The following STAG1 variants were observed in gnomAD, a reference collection of about 807,000 sequenced individuals.
The protein encoded by STAG1 is cohesin subunit SA-1.
Under a neutral mutation model 170.9 loss-of-function variants are expected in STAG1, and 26 were observed. The observed-to-expected ratio is 0.15, with a 90% CI of 0.11 to 0.21. The LOEUF is 0.21. STAG1 is among the 10% of genes least tolerant of loss of function. The pLI, the probability that STAG1 is intolerant of heterozygous loss-of-function variation, is 1.00. For synonymous variants in STAG1, 514 were observed against 497.7 expected (o/e 1.03, Z -0.44); for missense variants, 964 against 1,509.5 (o/e 0.64, Z 5.99).
chr3:136,426,079 T>A (rs1391736701), intron 16 of STAG1, among the ~76,000 whole-genome samples: 4 of 151,492 alleles, frequency 2.6e-5, no homozygotes, highest in Non-Finnish European at 5.9e-5. Flanking sequence ...ATAAACATAT[T>A]GGAAAATTTT....
chr3:136,668,290 T>TATATAATATATATTATACATGAC (rs1941863437), intron 1 of STAG1, among the ~76,000 whole-genome samples: 1 of 146,682 alleles, frequency 6.8e-6, no homozygotes, highest in South Asian at 2.1e-4. Context: ...TTATACATGA[T>TATATAATATATATTATACATGAC]ATATAATATA....
intron 5 of STAG1, among the ~76,000 whole-genome samples, chr3:136,544,789 C>G (rs1431051308): frequency 1.3e-5 from 2 of 151,786 alleles, no homozygotes; most frequent in East Asian, 3.9e-4. Context: ...GCTTTTATGA[C>G]ACACCATTCT....
At chr3:136,390,840 AAAAG>A (rs1157319415) in intron 22 of STAG1, among the ~76,000 whole-genome samples, 4 of 152,188 alleles carry the variant, frequency 2.6e-5, no homozygotes, top group African/African-American at 4.8e-5. Context: ...TAGGGAAGAG[AAAAG>A]AAAGAGCTAC....
At chr3:136,605,019 C>A (rs1938866986) in intron 3 of STAG1, among the ~76,000 whole-genome samples, 1 of 152,160 alleles carries the variant, frequency 6.6e-6, no homozygotes, top group Admixed American at 6.6e-5. Context: ...AACCTTGCCC[C>A]TTCTTGACAT....
chr3:136,600,515 G>A (rs186827195), intron 4 of STAG1, among the ~76,000 whole-genome samples: 44 of 152,178 alleles, frequency 2.9e-4, no homozygotes, highest in Admixed American at 2.1e-3. Context: ...CACTGATGTC[G>A]GCTTGTATTA....
intron 22 of STAG1, among the ~76,000 whole-genome samples, chr3:136,393,013 T>C (rs1174531075): frequency 1.3e-5 from 2 of 152,140 alleles, no homozygotes; most frequent in Non-Finnish European, 2.9e-5. Flanking sequence ...AATGTTTCTA[T>C]AACTGTATAA....
At chr3:136,740,069 C>A (rs964443830) in intron 1 of STAG1, among the ~76,000 whole-genome samples, 1 of 151,966 alleles carries the variant, frequency 6.6e-6, no homozygotes, top group Admixed American at 6.6e-5. Flanking sequence ...TTATACAGTA[C>A]ATTATGTAAA....
At chr3:136,550,667 C>G (rs942154858) in intron 5 of STAG1, among the ~76,000 whole-genome samples, 1 of 152,064 alleles carries the variant, frequency 6.6e-6, no homozygotes, top group Admixed American at 6.5e-5. Context: ...GAAATTTAGT[C>G]ATTTATTCTA....
chr3:136,726,723 C>T (rs946744360), intron 1 of STAG1, among the ~76,000 whole-genome samples: 1 of 152,218 alleles, frequency 6.6e-6, no homozygotes, highest in African/African-American at 2.4e-5. Context: ...TGCACCCGTC[C>T]TAGAAGAATG....
At chr3:136,372,962 T>C (rs577085278) in intron 23 of STAG1, among the ~76,000 whole-genome samples, 96 of 152,344 alleles carry the variant, frequency 6.3e-4, no homozygotes, top group African/African-American at 2.3e-3. Flanking sequence ...AATTCGGCTG[T>C]GAATCCATCT....
intron 9 of STAG1, among the ~76,000 whole-genome samples, chr3:136,485,196 G>A (rs998457118): frequency 2.0e-5 from 3 of 152,064 alleles, no homozygotes; most frequent in African/African-American, 2.4e-5. Flanking sequence ...AGTGGCTCAC[G>A]CCTGTAATCC....
At chr3:136,387,312 G>A (rs1035781260) in intron 22 of STAG1, among the ~76,000 whole-genome samples, 15 of 152,250 alleles carry the variant, frequency 9.9e-5, no homozygotes, top group Admixed American at 2.6e-4. Flanking sequence ...AAACACATCA[G>A]GTCAGATTTG....
At chr3:136,635,495 G>T (rs142509026) in intron 1 of STAG1, among the ~76,000 whole-genome samples, 5 of 152,260 alleles carry the variant, frequency 3.3e-5, no homozygotes, top group African/African-American at 1.2e-4. Flanking sequence ...ATCTCCAAAC[G>T]CTGCAGCTAA....
chr3:136,657,916 ACTTTT>A (rs900516079), intron 1 of STAG1, among the ~76,000 whole-genome samples: 7 of 152,346 alleles, frequency 4.6e-5, no homozygotes, highest in Admixed American at 3.9e-4. Context: ...GACTTGTTGT[ACTTTT>A]CTTTTATCTC....
At chr3:136,386,530 AC>A (rs2086877296) in intron 22 of STAG1, among the ~76,000 whole-genome samples, 2 of 152,134 alleles carry the variant, frequency 1.3e-5, no homozygotes, top group African/African-American at 4.8e-5. Flanking sequence ...ATGTAGACTG[AC>A]CCATAACAGC....
At chr3:136,701,689 A>G (rs1171374001) in intron 1 of STAG1, among the ~76,000 whole-genome samples, 2 of 152,218 alleles carry the variant, frequency 1.3e-5, no homozygotes, top group Non-Finnish European at 2.9e-5. Flanking sequence ...ATTAAAATAG[A>G]TCATCTAATA....
chr3:136,644,804 TC>T (rs1342885514), intron 1 of STAG1, among the ~76,000 whole-genome samples: 2 of 152,104 alleles, frequency 1.3e-5, no homozygotes, highest in Non-Finnish European at 2.9e-5. Flanking sequence ...TACTGGAACC[TC>T]CCCTTCACCG....
chr3:136,586,488 GC>G (rs1226138201), intron 4 of STAG1, among the ~76,000 whole-genome samples: 1 of 152,168 alleles, frequency 6.6e-6, no homozygotes, highest in Non-Finnish European at 1.5e-5. Context: ...CAATATATTT[GC>G]TAAAAGCTAA....
At chr3:136,622,916 T>C (rs1939931543) in intron 3 of STAG1, among the ~76,000 whole-genome samples, 1 of 152,228 alleles carries the variant, frequency 6.6e-6, no homozygotes, top group Non-Finnish European at 1.5e-5. Flanking sequence ...TGCCTTCACA[T>C]GGACTACCAT....
Sources: allele counts gnomAD v4.1 joint callset (sites outside exome capture counted in the v4.1 genomes callset), GRCh38; gene constraint gnomAD v4.1.1; transcripts MANE v1.5; gene names NCBI Gene and HGNC (gene_info 2026-07-23, HGNC 2026-07-21).